COL19A1: variants seen among roughly 807,000 people sequenced by gnomAD.
COL19A1 encodes collagen type XIX alpha 1 chain.
COL19A1 carries 159 observed loss-of-function variants against 190.2 expected under a neutral mutation model. The ratio of observed to expected loss-of-function variants is 0.84; its 90% CI spans 0.73 to 0.95. The LOEUF is 0.95. Among genes scored for constraint, COL19A1 ranks in the 40% least tolerant of loss-of-function variants. The pLI is 0.00. For missense variants in COL19A1, 1,418 were observed against 1,431.9 expected (o/e 0.99, Z 0.16); for synonymous variants, 509 against 458.9 (o/e 1.11, Z -1.39).
intron 16 of COL19A1, among the ~76,000 whole-genome samples, chr6:70,112,253 C>T (rs780572600): frequency 1.3e-5 from 2 of 152,088 alleles, no homozygotes; most frequent in Non-Finnish European, 2.9e-5. Context: ...CCACTGGATA[C>T]AAATAATTTG....
intron 9 of COL19A1, among the ~76,000 whole-genome samples, chr6:69,950,295 C>G (rs776350282): frequency 1.3e-5 from 2 of 151,718 alleles, no homozygotes; most frequent in African/African-American, 2.4e-5. Flanking sequence ...CATGAGGACT[C>G]TAATAAGGAT....
chr6:70,036,656 C>G (rs1779369012), intron 14 of COL19A1, among the ~76,000 whole-genome samples: 1 of 151,558 alleles, frequency 6.6e-6, no homozygotes, highest in South Asian at 2.1e-4. Flanking sequence ...GAAAAGAGGA[C>G]AGTTTTGTTT....
intron 11 of COL19A1, among the ~76,000 whole-genome samples, chr6:69,997,156 A>T (rs1286100327): frequency 6.6e-6 from 1 of 152,080 alleles, no homozygotes; most frequent in Non-Finnish European, 1.5e-5. Context: ...AAGAAAAAGC[A>T]AAGAAGCCTT....
At chr6:70,086,297 G>T (rs1782589832) in intron 15 of COL19A1, among the ~76,000 whole-genome samples, 1 of 151,042 alleles carries the variant, frequency 6.6e-6, no homozygotes, top group African/African-American at 2.4e-5. Context: ...CACACACCAA[G>T]GATAAATCTT....
chr6:70,076,959 G>A (rs1419693826), intron 15 of COL19A1, among the ~76,000 whole-genome samples: 1 of 152,206 alleles, frequency 6.6e-6, no homozygotes, highest in African/African-American at 2.4e-5. Context: ...CATTTGGGAT[G>A]GAGCGAATAT....
chr6:69,985,394 G>T lies in COL19A1; in HGVS notation c.1026+22524G>T, dbSNP rs551433577. ...CCTTACTGCCATCCAGAGGTCTATG[G>T]TCCAGTGGCGAGTTCAGCAACATTA... On this transcript the variant is annotated intron_variant, in intron 11 of 50. Coordinates refer to ENST00000620364, the MANE Select transcript of COL19A1 (RefSeq NM_001858.6). 4.6e-5 allele frequency among the ~76,000 whole-genome samples: 7 copies of T among 152,210 alleles called. No homozygotes were observed. In the South Asian group the frequency reaches 1.5e-3, roughly 32 times the overall value.
chr6:70,177,541 TA>T (rs1489201661), intron 42 of COL19A1, among the ~76,000 whole-genome samples: 1 of 152,236 alleles, frequency 6.6e-6, no homozygotes, highest in African/African-American at 2.4e-5. Flanking sequence ...TTCCCTTACT[TA>T]GCCATTATAG....
intron 4 of COL19A1, among the ~76,000 whole-genome samples, chr6:69,905,031 A>G (rs1353156583): frequency 2.0e-5 from 3 of 151,358 alleles, no homozygotes; most frequent in Admixed American, 6.6e-5. Flanking sequence ...TGCCTCCCAC[A>G]TTTCCATTGG....
intron 11 of COL19A1, among the ~76,000 whole-genome samples, chr6:69,999,374 AT>A (rs879488118): frequency 3.9e-5 from 6 of 152,008 alleles, no homozygotes; most frequent in Non-Finnish European, 5.9e-5. Flanking sequence ...CTACAAAAAA[AT>A]TTTTTTTAAA....
In COL19A1 at chr6:70,207,307, ATTT is replaced by A. The variant is rs1562271822; in HGVS notation, c.*34_*36del. On this transcript the variant is annotated 3_prime_UTR_variant, in exon 51 of 51. Transcript: ENST00000620364. ...TGAAGAAGACTTGGTTCCTGGTAAC[ATTT>A]CCTTGCCACTGGAGCTCTCTTAATA... The A allele has an allele frequency of 6.3e-7, 1 of 1,584,660 alleles. No homozygotes were observed. Among genetic ancestry groups the A allele is most frequent in the South Asian group, 1.1e-5 (1 of 89,654 alleles).
Position 69,876,407 on chromosome 6 carries a change from AATATCAAT to A in COL19A1, c.-32-3126_-32-3119del, listed in dbSNP as rs138157116. Reference sequence around the variant, plus strand: ...TGCTTTGACACTTCTCCATTGTCCAAATATCAATATCAACCTCAAGCTTAAGAGACAGG... The same window carrying A: ...TGCTTTGACACTTCTCCATTGTCCAAATCAACCTCAAGCTTAAGAGACAGG... On this transcript the variant is annotated intron_variant, in intron 1 of 50. Transcript: ENST00000620364. Among the ~76,000 whole-genome samples, 1,010 of 152,274 alleles carry A rather than the reference AATATCAAT, an allele frequency of 6.6e-3. 23 individuals carry two copies. In the East Asian group the frequency reaches 0.07, roughly 11 times the overall value.
chr6:69,893,457 A>G (rs1448613047), intron 2 of COL19A1, among the ~76,000 whole-genome samples: 1 of 152,180 alleles, frequency 6.6e-6, no homozygotes, highest in Non-Finnish European at 1.5e-5. Context: ...GCAACTAAGG[A>G]CTAAGCTCTG....
rs66577377 is a variant in COL19A1, at chr6:70,211,049, C to CTT, written c.*3776_*3777insTT. On this transcript the variant is annotated 3_prime_UTR_variant, in exon 51 of 51. Transcript: ENST00000620364. The stretch of plus-strand genomic sequence containing the variant: ...CTACTTTTTAGACAGGACAGATACT[C>CTT]TCAACAGACAAGAAAAAAGATTTAG... Among the ~76,000 whole-genome samples, 15 of 151,474 alleles carry CTT rather than the reference C, an allele frequency of 9.9e-5. No individual in the cohort carries two copies. The highest frequency in any genetic ancestry group is 1.9e-4 in the Non-Finnish European group (13 of 67,802).
chr6:69,943,638 T>C (rs1446268784), intron 9 of COL19A1, among the ~76,000 whole-genome samples: 1 of 152,138 alleles, frequency 6.6e-6, no homozygotes, highest in Non-Finnish European at 1.5e-5. Context: ...TTTCCAACAC[T>C]GTTTAACAAA....
chr6:70,205,113 C>T (rs1011189028), intron 49 of COL19A1, among the ~76,000 whole-genome samples: 4 of 152,174 alleles, frequency 2.6e-5, no homozygotes, highest in Non-Finnish European at 5.9e-5. Flanking sequence ...ACACAATTTT[C>T]AAATATAAAT....
chr6:70,040,352 A>C (rs1313524934), intron 14 of COL19A1, among the ~76,000 whole-genome samples: 1 of 152,208 alleles, frequency 6.6e-6, no homozygotes, highest in African/African-American at 2.4e-5. Context: ...TGAAACACAG[A>C]CTGGAGTCCT....
intron 15 of COL19A1, among the ~76,000 whole-genome samples, chr6:70,085,460 A>G (rs79739613): frequency 0.36 from 55,235 of 152,102 alleles, 11,696 homozygotes; most frequent in Non-Finnish European, 0.48. Context: ...GAATAAATAA[A>G]CTTTTACTAC....
At chr6:69,893,223 A>G (rs772446635) in intron 2 of COL19A1, among the ~76,000 whole-genome samples, 4 of 152,136 alleles carry the variant, frequency 2.6e-5, no homozygotes, top group South Asian at 2.1e-4. Flanking sequence ...GTCCTGTACT[A>G]TTTTCCTTTA....
rs573280428 is a variant in COL19A1 at position 70,119,726 on chromosome 6, C to T, written c.1279-2154C>T. Among the ~76,000 whole-genome samples, 4 of 152,242 alleles carry T rather than the reference C, an allele frequency of 2.6e-5. No individual in the cohort carries two copies. In the East Asian group the frequency reaches 5.8e-4, roughly 22 times the overall value. ...AATCAGAGAGAATGATGGGACATTC[C>T]TCCTGTCATTGTAAGGACTAAATTA... On this transcript the variant is annotated intron_variant, in intron 16 of 50. Transcript: ENST00000620364.
Sources: gnomAD v4.1 joint callset for allele counts (sites outside exome capture counted in the v4.1 genomes callset) on GRCh38, gnomAD v4.1.1 for gene constraint, MANE v1.5 for transcripts, NCBI Gene and HGNC (gene_info 2026-07-23, HGNC 2026-07-21) for gene names.